Variants in GRIP2 observed in about 807,000 individuals in gnomAD.
GRIP2 encodes glutamate receptor-interacting protein 2.
Under a neutral mutation model 108.3 loss-of-function variants are expected in GRIP2, and 58 were observed. That is an observed-to-expected ratio of 0.54 (90% confidence interval 0.43 to 0.67). GRIP2 has a LOEUF of 0.67. GRIP2 is among the 30% of genes least tolerant of loss of function. The pLI is 0.00. For synonymous variants in GRIP2, 586 were observed against 598.2 expected, an observed-to-expected ratio of 0.98 and a Z score of 0.30; for missense variants, 1,278 against 1,430.6, an observed-to-expected ratio of 0.89 and a Z score of 1.72.
chr3:14,527,379 A>C (rs2124933571), intron 1 of GRIP2, among the ~76,000 whole-genome samples: 1 of 124,478 alleles, frequency 8.0e-6, no homozygotes, highest in African/African-American at 2.6e-5. Context: ...AAAGGAAAGG[A>C]AAGGAAAGGA....
the GRIP2 span, among the ~76,000 whole-genome samples, chr3:14,590,920 C>A: frequency 6.6e-6 from 1 of 152,174 alleles, no homozygotes; most frequent in African/African-American, 2.4e-5. Flanking sequence ...CCATTGAAAA[C>A]TTACTGGTAA....
chr3:14,573,145 G>A, the GRIP2 span: 2 of 1,433,112 alleles, frequency 1.4e-6, no homozygotes, highest in Non-Finnish European at 9.8e-7. Context: ...AAGGTGCAGA[G>A]GAAGAGCACC....
rs536028605 is a variant in GRIP2 at position 14,511,986 on chromosome 3, C to T, written c.1721-507G>A. Among the ~76,000 whole-genome samples, 2 of 152,342 alleles carry T rather than the reference C, an allele frequency of 1.3e-5. No homozygotes were observed. Among genetic ancestry groups the T allele is most frequent in the South Asian group, 4.1e-4 (2 of 4,828 alleles). On this transcript the variant is annotated intron_variant, in intron 14 of 23. Coordinates refer to ENST00000621039, the MANE Select transcript of GRIP2 (RefSeq NM_001080423.4). The surrounding 1 kb of genome is among the most constrained non-coding windows in gnomAD (Gnocchi z 4.1). ...GTGGTCACAATCAACAACATTTAAA[C>T]ACCGATGAAGTGAGCTGTGGAGAAA...
chr3:14,495,581 AT>A (rs1324040820), intron 22 of GRIP2, among the ~76,000 whole-genome samples: 1 of 151,910 alleles, frequency 6.6e-6, no homozygotes, highest in Non-Finnish European at 1.5e-5. Flanking sequence ...TAATTTTTGT[AT>A]TTTTAGTAGA....
the GRIP2 span, among the ~76,000 whole-genome samples, chr3:14,576,917 T>A: frequency 6.6e-6 from 1 of 152,216 alleles, no homozygotes; most frequent in Non-Finnish European, 1.5e-5. Context: ...CTCTCAAGCT[T>A]TTCCACTTTC....
At chr3:14,580,515 G>T in the GRIP2 span, among the ~76,000 whole-genome samples, 2 of 152,130 alleles carry the variant, frequency 1.3e-5, no homozygotes, top group Non-Finnish European at 2.9e-5. Context: ...GGGCAACATA[G>T]TGAGACCTTG....
chr3:14,509,324 G>C (rs945632892), intron 17 of GRIP2, among the ~76,000 whole-genome samples: 2 of 152,234 alleles, frequency 1.3e-5, no homozygotes, highest in East Asian at 1.9e-4. Context: ...CTGGGGGTCG[G>C]GTTCCATCTC....
At chr3:14,557,949 G>C (rs149949264), upstream of GRIP2, among the ~76,000 whole-genome samples, 1 of 152,360 alleles carries the variant, frequency 6.6e-6, no homozygotes, top group Non-Finnish European at 1.5e-5. Flanking sequence ...GCACTTAGCG[G>C]AGGGTGGCAC....
chr3:14,495,883 C>G (rs1228876123), intron 22 of GRIP2, among the ~76,000 whole-genome samples: 2 of 152,134 alleles, frequency 1.3e-5, no homozygotes, highest in Non-Finnish European at 2.9e-5. Flanking sequence ...CAGTGGCTCA[C>G]ACATGTAATC....
chr3:14,510,834 G>C (rs1021997888), intron 16 of GRIP2, among the ~76,000 whole-genome samples: 1 of 152,078 alleles, frequency 6.6e-6, no homozygotes, highest in African/African-American at 2.4e-5. Flanking sequence ...GGGCAGCCTC[G>C]CTCTTCCCCT....
rs1458613831 is a variant in GRIP2 at position 14,509,879 on chromosome 3, C to T, written c.2019G>A (p.Thr673=). Residue 673 remains threonine, a synonymous_variant, in exon 17 of 24, where the codon ACG becomes ACA. Transcript: ENST00000621039. The part of the protein sequence containing the change: ...GGPLGITISG[T]EEPFDPIVIS... ...TGACAATGGGGTCAAAAGGTTCCTC[C>T]GTGCCCGAAATGGTGATGCCCAGGG... 25 of 1,543,504 alleles carry T rather than the reference C, an allele frequency of 1.6e-5. No homozygotes were observed. Among genetic ancestry groups the T allele is most frequent in the East Asian group, 7.4e-5 (3 of 40,430 alleles).
intron 1 of GRIP2, among the ~76,000 whole-genome samples, chr3:14,553,878 C>T (rs927597822): frequency 6.6e-6 from 1 of 152,174 alleles, no homozygotes; most frequent in East Asian, 1.9e-4. Context: ...CCTCAGTGCC[C>T]TCCGTGAAGG....
the GRIP2 span, chr3:14,574,072 C>T: frequency 1.1e-5 from 16 of 1,482,942 alleles, no homozygotes; most frequent in East Asian, 3.4e-4. Flanking sequence ...TTGACGTTCT[C>T]GTAGACCCAG....
At chr3:14,520,052 C>A in intron 9 of GRIP2, 58 bp downstream of exon 9, 1 of 1,483,170 alleles carries the variant, frequency 6.7e-7, no homozygotes, top group Non-Finnish European at 9.1e-7. Context: ...TGGTCCCAGG[C>A]CTCTCAGGCC....
intron 17 of GRIP2, 94 bp downstream of exon 17, chr3:14,509,726 G>A (rs762859313): frequency 3.3e-6 from 4 of 1,227,764 alleles, no homozygotes; most frequent in Non-Finnish European, 4.2e-6. Flanking sequence ...TGTTGGAACA[G>A]AGGTCAGAAT....
At chr3:14,565,027 G>A in the GRIP2 span, among the ~76,000 whole-genome samples, 280 of 152,322 alleles carry the variant, frequency 1.8e-3, 2 homozygotes, top group African/African-American at 6.3e-3. Flanking sequence ...GCCCACAGCC[G>A]GGCACCCGAG....
the GRIP2 span, among the ~76,000 whole-genome samples, chr3:14,595,783 C>T: frequency 2.4e-4 from 37 of 152,254 alleles, no homozygotes; most frequent in Middle Eastern, 3.2e-3. Flanking sequence ...TTTCCCTGAG[C>T]TTCAGCATCC....
Position 14,520,372 on chromosome 3 carries a change from A to C in GRIP2, c.860+18T>G. On this transcript the variant is annotated intron_variant, in intron 8 of 23. Transcript: ENST00000621039. Reference sequence around the variant, plus strand: ...CTGCACACACCTCCATGGTGGCAGCACCCAGGGTGTGCCTTACCTGTCCAC... The same window carrying C: ...CTGCACACACCTCCATGGTGGCAGCCCCCAGGGTGTGCCTTACCTGTCCAC... The C allele has an allele frequency of 6.2e-7, 1 of 1,610,564 alleles. No homozygotes were observed. Among genetic ancestry groups the C allele is most frequent in the Non-Finnish European group, 8.5e-7 (1 of 1,178,532 alleles).
rs1160126465 is a variant in GRIP2, at chr3:14,512,888, G to C, written c.1640-31C>G. 6.2e-7 allele frequency: 1 copy of C among 1,602,986 alleles called. No homozygotes were observed. ...GGTAGATGGACATAAACCGACGTGA[G>C]GACCCAGAGGAGGAGCCTCAGCGAA... On this transcript the variant is annotated intron_variant, in intron 13 of 23. Coordinates refer to ENST00000621039, the MANE Select transcript of GRIP2 (RefSeq NM_001080423.4). This position sits in a 1 kb window ranked among gnomAD's most constrained non-coding sequence, Gnocchi z 5.1.
Sources: allele counts gnomAD v4.1 joint callset (sites outside exome capture counted in the v4.1 genomes callset), GRCh38; gene constraint gnomAD v4.1.1; non-coding constraint Gnocchi (gnomAD v3.1); transcripts MANE v1.5; gene names NCBI Gene and HGNC (gene_info 2026-07-23, HGNC 2026-07-21).